The following TMEM154 variants were observed in gnomAD, a reference collection of about 807,000 sequenced individuals.
The protein encoded by TMEM154 is transmembrane protein 154.
TMEM154 carries 27 observed loss-of-function variants against 24.5 expected under a neutral mutation model. The ratio of observed to expected loss-of-function variants is 1.10; its 90% CI spans 0.81 to 1.52. The LOEUF (loss-of-function observed/expected upper bound fraction) is 1.52. TMEM154 is among the 40% of genes most tolerant of loss of function. The probability of loss-of-function intolerance (pLI) is 0.00; values close to 1 mark genes in which losing one functional copy is unlikely to be tolerated. For missense variants in TMEM154, 228 were observed against 213.4 expected (o/e 1.07, Z -0.43); for synonymous variants, 67 against 76.8 (o/e 0.87, Z 0.67).
intron 5 of TMEM154, 68 bp downstream of exon 5, chr4:152,643,020 T>C: frequency 1.7e-6 from 2 of 1,155,090 alleles, no homozygotes; most frequent in East Asian, 4.7e-5. Flanking sequence ...TTGAGATATT[T>C]ATAAAGCTGT....
In TMEM154 at chr4:152,650,888, T is replaced by G. The variant is rs1728365001; in HGVS notation, c.364+1650A>C. Among the ~76,000 whole-genome samples the G allele has an allele frequency of 7.2e-5, 11 of 152,212 alleles. No homozygotes were observed. In the South Asian group the frequency reaches 2.3e-3, roughly 32 times the overall value. On this transcript the variant is annotated intron_variant, in intron 3 of 6. Coordinates refer to ENST00000304385, the MANE Select transcript of TMEM154 (RefSeq NM_152680.3). ...GTGCATTGTCAATGAGCAGTAATAT[T>G]TTTAGTGGAATCTTGTATTTTGAGC...
intron 1 of TMEM154, among the ~76,000 whole-genome samples, chr4:152,662,749 G>A (rs541371337): frequency 4.6e-5 from 7 of 152,234 alleles, no homozygotes; most frequent in African/African-American, 1.2e-4. Context: ...GATTTCCTGC[G>A]GGCGGCATCC....
chr4:152,641,172 A>G, intron 5 of TMEM154, 187 bp from the exon 6 acceptor site: 1 of 540,218 alleles, frequency 1.9e-6, no homozygotes. Flanking sequence ...AAAAAGCACT[A>G]ATAACACAGA....
chr4:152,675,836 G>A (rs1728943513), intron 1 of TMEM154, among the ~76,000 whole-genome samples: 1 of 152,170 alleles, frequency 6.6e-6, no homozygotes, highest in Admixed American at 6.5e-5. Flanking sequence ...GCTGCAGTTT[G>A]CATTGCTTCA....
chr4:152,651,738 A>T (rs2149784213), intron 3 of TMEM154, among the ~76,000 whole-genome samples: 1 of 152,366 alleles, frequency 6.6e-6, no homozygotes, highest in Non-Finnish European at 1.5e-5. Context: ...GTTTCCTTCA[A>T]GAACTTTTTC....
intron 1 of TMEM154, among the ~76,000 whole-genome samples, chr4:152,655,895 G>A (rs1728482139): frequency 6.6e-6 from 1 of 152,080 alleles, no homozygotes; most frequent in African/African-American, 2.4e-5. Context: ...ATTACAGCCA[G>A]CTACTGCATG....
intron 1 of TMEM154, among the ~76,000 whole-genome samples, chr4:152,661,666 G>C (rs1561055147): frequency 6.6e-6 from 1 of 152,144 alleles, no homozygotes; most frequent in Non-Finnish European, 1.5e-5. Context: ...CTTTTCTCTT[G>C]ATGACTTAAT....
At chr4:152,654,574 G>A (rs867101151) in intron 1 of TMEM154, among the ~76,000 whole-genome samples, 2 of 152,160 alleles carry the variant, frequency 1.3e-5, no homozygotes, top group African/African-American at 2.4e-5. Context: ...TAAGAGGTGA[G>A]GCCTTTGAGA....
chr4:152,670,512 C>A (rs1171816353), intron 1 of TMEM154, among the ~76,000 whole-genome samples: 1 of 152,144 alleles, frequency 6.6e-6, no homozygotes, highest in Non-Finnish European at 1.5e-5. Context: ...AGGAGAATCG[C>A]TTGAACCCGG....
intron 6 of TMEM154, among the ~76,000 whole-genome samples, chr4:152,640,138 C>A (rs1752228851): frequency 6.6e-6 from 1 of 152,156 alleles, no homozygotes; most frequent in Non-Finnish European, 1.5e-5. Context: ...GAGGATTTAT[C>A]CTGCCTGAAG....
chr4:152,645,019 A>C (rs560834034), intron 3 of TMEM154, among the ~76,000 whole-genome samples: 13 of 152,270 alleles, frequency 8.5e-5, no homozygotes, highest in African/African-American at 2.4e-4. Context: ...CACCTACTCT[A>C]TTTAAAGAAG....
chr4:152,665,646 G>A (rs1274108037), intron 1 of TMEM154, among the ~76,000 whole-genome samples: 1 of 152,158 alleles, frequency 6.6e-6, no homozygotes, highest in Non-Finnish European at 1.5e-5. Context: ...ATCAGCAATA[G>A]CTTTAATTGG....
intron 1 of TMEM154, chr4:152,669,964 T>G (rs987629373): frequency 2.0e-5 from 3 of 152,230 alleles, no homozygotes; most frequent in Non-Finnish European, 2.9e-5. Flanking sequence ...GATTTTCCCA[T>G]GAGTTTTATG....
intron 1 of TMEM154, among the ~76,000 whole-genome samples, chr4:152,676,629 A>G (rs945288684): frequency 1.3e-5 from 2 of 152,192 alleles, no homozygotes; most frequent in Non-Finnish European, 1.5e-5. Flanking sequence ...GTTAGCTACT[A>G]TTGTTATTAA....
At position 152,628,565 on chromosome 4, in the gene TMEM154, TAAAA is replaced by T. The variant is rs747613909; in HGVS notation, c.537-8_537-5del. 1.4e-4 allele frequency: 72 copies of T among 518,436 alleles called. No homozygotes were observed. Among genetic ancestry groups the T allele is most frequent in the East Asian group, 4.4e-4 (3 of 6,774 alleles). 32.1% of individuals were successfully genotyped at this position (518,436 alleles called of 1,614,324 possible). ...TCAGGTTTAGGATTCACTGTCACTG[TAAAA>T]AAAAAAAAAAAAAAAAAAAAAAACA... On this transcript the variant is annotated splice_region_variant and splice_polypyrimidine_tract_variant and intron_variant, in intron 6 of 6. Transcript: ENST00000304385.
At chr4:152,661,332 CTCTCTCT>C in intron 1 of TMEM154, among the ~76,000 whole-genome samples, 1 of 137,842 alleles carries the variant, frequency 7.3e-6, no homozygotes, top group South Asian at 2.3e-4. Flanking sequence ...CTCTCTCTCT[CTCTCTCT>C]CTCCCCCCAA....
intron 1 of TMEM154, among the ~76,000 whole-genome samples, chr4:152,657,249 C>A (rs1244956648): frequency 1.3e-5 from 2 of 151,416 alleles, no homozygotes; most frequent in East Asian, 3.9e-4. Flanking sequence ...TGCAGTGGCT[C>A]ATGCCTGTAA....
chr4:152,675,156 CAAAA>C (rs368552348), intron 1 of TMEM154, among the ~76,000 whole-genome samples: 2 of 83,174 alleles, frequency 2.4e-5, no homozygotes, highest in African/African-American at 1.1e-4. Context: ...GGCTCCATCT[CAAAA>C]AAAAAAAAAA....
intron 1 of TMEM154, among the ~76,000 whole-genome samples, chr4:152,662,709 CACTG>C (rs956417764): frequency 3.9e-5 from 6 of 152,308 alleles, no homozygotes; most frequent in African/African-American, 1.4e-4. Context: ...TTTAAAGAAA[CACTG>C]ACTAAGGCCC....
Sources: allele counts gnomAD v4.1 joint callset (sites outside exome capture counted in the v4.1 genomes callset), GRCh38; gene constraint gnomAD v4.1.1; transcripts MANE v1.5; gene names NCBI Gene and HGNC (gene_info 2026-07-23, HGNC 2026-07-21).